HERC1: variants seen among roughly 807,000 people sequenced by gnomAD.
HERC1 encodes the protein probable E3 ubiquitin-protein ligase HERC1.
Under a neutral mutation model 554.3 loss-of-function variants are expected in HERC1, and 160 were observed. The observed-to-expected ratio is 0.29, with a 90% CI of 0.25 to 0.33. The LOEUF is 0.33. Ranked by LOEUF, HERC1 falls within the 10% of genes least tolerant of loss-of-function variation. HERC1 has a pLI of 1.00. For missense variants in HERC1, 4,919 were observed against 5,918.5 expected (o/e 0.83, Z 5.54); for synonymous variants, 2,175 against 2,131.7 (o/e 1.02, Z -0.56).
At chr15:63,635,257 T>C (rs2068732960) in intron 65 of HERC1, among the ~76,000 whole-genome samples, 1 of 152,118 alleles carries the variant, frequency 6.6e-6, no homozygotes, top group East Asian at 1.9e-4. Flanking sequence ...CTATGTTGTC[T>C]AGGCTGGTCT....
chr15:63,720,514 A>G (rs2140470600), intron 19 of HERC1, among the ~76,000 whole-genome samples: 1 of 152,314 alleles, frequency 6.6e-6, no homozygotes, highest in South Asian at 2.1e-4. Context: ...ATTCCTTCTT[A>G]AAACTCTCAT....
At chr15:63,810,251 A>G (rs1361841752) in intron 1 of HERC1, among the ~76,000 whole-genome samples, 1 of 152,236 alleles carries the variant, frequency 6.6e-6, no homozygotes, top group Non-Finnish European at 1.5e-5. Context: ...ATAATAATCA[A>G]AAGGCAGAAA....
chr15:63,810,423 TA>T (rs147992883), intron 1 of HERC1, among the ~76,000 whole-genome samples: 4,685 of 149,084 alleles, frequency 0.031, 235 homozygotes, highest in African/African-American at 0.11. Flanking sequence ...TGTGTAAAAA[TA>T]AAAAAAAAGA....
rs375083552 is a variant in HERC1, at chr15:63,639,563, T to C, written c.11901+589A>G. On this transcript the variant is annotated intron_variant, in intron 61 of 77. Coordinates refer to ENST00000443617, the MANE Select transcript of HERC1 (RefSeq NM_003922.4). ...CATAATTTTACTTAATTTATATTTG[T>C]CTGTTTCATATTGTATCAATGTTTA... Among the ~76,000 whole-genome samples, 8 of 152,346 alleles carry C rather than the reference T, an allele frequency of 5.3e-5. No individual in the cohort carries two copies. The South Asian group carries it at 8.3e-4, about 16-fold the overall frequency.
chr15:63,749,866 C>T lies in HERC1; in HGVS notation c.1903-75G>A. On this transcript the variant is annotated intron_variant, in intron 8 of 77. Coordinates refer to ENST00000443617, the MANE Select transcript of HERC1 (RefSeq NM_003922.4). This position sits in a 1 kb window ranked among gnomAD's most constrained non-coding sequence, Gnocchi z 4.1. ...TGTTGGCTTTAGGGATAAATGAAAT[C>T]TATGAAACTAAAGTGTGGTTTGATA... 1 of 1,207,946 alleles carries T rather than the reference C, an allele frequency of 8.3e-7. No homozygotes were observed. Among genetic ancestry groups the T allele is most frequent in the Non-Finnish European group, 1.1e-6 (1 of 889,848 alleles). 74.8% of individuals were successfully genotyped at this position (1,207,946 alleles called of 1,614,324 possible). A position where few individuals can be genotyped will look rare whatever the true frequency, so the allele number is the denominator to read the frequency against.
chr15:63,674,661 GGACAGCT>G lies in HERC1; in HGVS notation c.7520_7526del (p.Gln2507ProfsTer8). The G allele has an allele frequency of 6.2e-7, 1 of 1,613,806 alleles. No homozygotes were observed. The highest frequency in any genetic ancestry group is 8.5e-7 in the Non-Finnish European group (1 of 1,179,780). On this transcript the variant is annotated frameshift_variant, in exon 38 of 78. Coordinates refer to ENST00000443617, the MANE Select transcript of HERC1 (RefSeq NM_003922.4). LOFTEE classifies it high-confidence loss of function. ...ACTTCATAGCACCGAGGTAAAGATAGGACAGCTGGACTGCTCTGATTTCTGACTGGGC... is the reference window on the plus strand; with the variant it reads ...ACTTCATAGCACCGAGGTAAAGATAGGGACTGCTCTGATTTCTGACTGGGC...
chr15:63,698,330 A>C (rs2072540400), intron 26 of HERC1, among the ~76,000 whole-genome samples: 1 of 151,576 alleles, frequency 6.6e-6, no homozygotes, highest in South Asian at 2.1e-4. Context: ...AGGCAGGAGA[A>C]TCACTTGAAC....
chr15:63,658,474 C>T, intron 48 of HERC1, 70 bp downstream of exon 48: 1 of 1,395,716 alleles, frequency 7.2e-7, no homozygotes, highest in Admixed American at 2.2e-5. Flanking sequence ...CCCTCCCAAA[C>T]ACCACCAGAC....
intron 53 of HERC1, among the ~76,000 whole-genome samples, 183 bp downstream of exon 53, chr15:63,651,070 A>C (rs2069649230): frequency 6.6e-6 from 1 of 152,250 alleles, no homozygotes; most frequent in Admixed American, 6.5e-5. Flanking sequence ...CAGAAAGAAA[A>C]GTGAATAAAT....
intron 67 of HERC1, 30 bp downstream of exon 67, chr15:63,633,818 C>T (rs1424610893): frequency 1.2e-6 from 2 of 1,604,868 alleles, no homozygotes; most frequent in South Asian, 2.2e-5. Context: ...TTTATGTTGT[C>T]TGAAAACCTA....
At chr15:63,721,980 C>T (rs1278693384) in intron 19 of HERC1, among the ~76,000 whole-genome samples, 1 of 152,140 alleles carries the variant, frequency 6.6e-6, no homozygotes, top group Admixed American at 6.5e-5. Flanking sequence ...TGTCCTTTAG[C>T]CTCCCGAGTA....
In HERC1 at chr15:63,718,736, C is replaced by T. The variant is rs753998470; in HGVS notation, c.3858-42G>A. On this transcript the variant is annotated intron_variant, in intron 20 of 77. Coordinates refer to ENST00000443617, the MANE Select transcript of HERC1 (RefSeq NM_003922.4). The surrounding 1 kb of genome is among the most constrained non-coding windows in gnomAD (Gnocchi z 4.2). ...AATAGAAAAGTTACCTAATTTCTGACATCATGAGAGCAAATATTTGTCTGA... is the reference window on the plus strand; with the variant it reads ...AATAGAAAAGTTACCTAATTTCTGATATCATGAGAGCAAATATTTGTCTGA... 6.2e-6 allele frequency: 10 copies of T among 1,603,338 alleles called. No individual in the cohort carries two copies. The highest frequency in any genetic ancestry group is 8.5e-6 in the Non-Finnish European group (10 of 1,171,554).
At chr15:63,656,396 A>G (rs745961379) in intron 48 of HERC1, 38 bp from the exon 49 acceptor site, 7 of 1,577,776 alleles carry the variant, frequency 4.4e-6, no homozygotes, top group Non-Finnish European at 6.0e-6. Context: ...GGATAAAGAA[A>G]ATGGATTTCT....
intron 56 of HERC1, 86 bp downstream of exon 56, chr15:63,645,397 A>T: frequency 1.0e-6 from 1 of 964,960 alleles, no homozygotes; most frequent in Non-Finnish European, 1.5e-6. Flanking sequence ...AAACTCTTTA[A>T]GACTACTGAG....
At position 63,747,750 on chromosome 15, in the gene HERC1, A is replaced by T; in HGVS notation, c.2328T>A (p.Ile776=). 1.3e-6 allele frequency: 2 copies of T among 1,550,230 alleles called. No individual in the cohort carries two copies. The highest frequency in any genetic ancestry group is 1.7e-6 in the Non-Finnish European group (2 of 1,145,788). Residue 776 remains isoleucine (I), a synonymous_variant, in exon 11 of 78, where the codon ATT becomes ATA. Transcript: ENST00000443617. Reference sequence around the variant, plus strand: ...TTGATGAAGGGAAAGGGAGTGGGGGAATCTCACTGTTTATTTTATCACAGT... The same window carrying T: ...TTGATGAAGGGAAAGGGAGTGGGGGTATCTCACTGTTTATTTTATCACAGT... ...ERYCDKINSE[I]PPLPFPSSRE...
intron 36 of HERC1, 129 bp downstream of exon 36, chr15:63,679,947 AG>A: frequency 1.8e-6 from 1 of 542,810 alleles, no homozygotes; most frequent in Non-Finnish European, 3.1e-6. Context: ...ACCTTCTTCT[AG>A]AAGAATGGAT....
At chr15:63,827,742 T>C (rs1441108948) in intron 1 of HERC1, among the ~76,000 whole-genome samples, 6 of 152,126 alleles carry the variant, frequency 3.9e-5, no homozygotes, top group Admixed American at 3.9e-4. Flanking sequence ...GAAAACCAAA[T>C]GTACCTCAAC....
chr15:63,700,817 G>A (rs2072678620), intron 25 of HERC1, among the ~76,000 whole-genome samples: 1 of 150,454 alleles, frequency 6.6e-6, no homozygotes, highest in Admixed American at 6.6e-5. Context: ...TCTTTCATGT[G>A]ACACAGAAAA....
In HERC1 at chr15:63,678,081, TTCCTCTTTGCTCTCCTTC is replaced by T. The variant is rs764478124; in HGVS notation, c.6816_6833del (p.Lys2273_Glu2278del). ...CATGCCTAGTATGTTTACCTTTCTC[TTCCTCTTTGCTCTCCTTC>T]TCCTCTCTCATTTCATTTTCCTCTC... On this transcript the variant is annotated inframe_deletion, in exon 37 of 78. Coordinates refer to ENST00000443617, the MANE Select transcript of HERC1 (RefSeq NM_003922.4). 6.2e-7 allele frequency: 1 copy of T among 1,614,042 alleles called. No individual in the cohort carries two copies.
Sources: gnomAD v4.1 joint callset for allele counts (sites outside exome capture counted in the v4.1 genomes callset) on GRCh38, gnomAD v4.1.1 for gene constraint, Gnocchi (gnomAD v3.1) non-coding constraint, MANE v1.5 for transcripts, NCBI Gene and HGNC (gene_info 2026-07-23, HGNC 2026-07-21) for gene names.